Variants in NSMCE2 observed in about 807,000 individuals in gnomAD.
The protein encoded by NSMCE2 is NSE2 SUMO ligase component of SMC5/6 complex.
NSMCE2 carries 24 observed loss-of-function variants against 23.8 expected under a neutral mutation model. The observed-to-expected ratio is 1.01, with a 90% CI of 0.73 to 1.42. The LOEUF (loss-of-function observed/expected upper bound fraction) is 1.42, where lower values mean the gene tolerates loss of function less well. Ranked by LOEUF, NSMCE2 falls within the 40% of genes most tolerant of loss-of-function variation. NSMCE2 has a pLI of 0.00. For synonymous variants in NSMCE2, 92 were observed against 94.1 expected, an observed-to-expected ratio of 0.98 and a Z score of 0.13; for missense variants, 284 against 296.5, an observed-to-expected ratio of 0.96 and a Z score of 0.31.
chr8:125,156,013 C>T (rs942003653), intron 4 of NSMCE2: 20 of 447,566 alleles, frequency 4.5e-5, no homozygotes, highest in African/African-American at 1.2e-4. Flanking sequence ...GGTGTGGTGG[C>T]GCACGCCTGT....
chr8:125,217,929 A>T, intron 5 of NSMCE2, among the ~76,000 whole-genome samples: 1 of 152,048 alleles, frequency 6.6e-6, no homozygotes, highest in East Asian at 1.9e-4. Flanking sequence ...ATAGAAAATA[A>T]AGAGACAAGA....
At chr8:125,314,807 C>A (rs1236217279) in intron 5 of NSMCE2, among the ~76,000 whole-genome samples, 1 of 152,158 alleles carries the variant, frequency 6.6e-6, no homozygotes, top group East Asian at 1.9e-4. Flanking sequence ...TGTGCCAGCT[C>A]TTGGTGATAG....
At chr8:125,111,255 C>T (rs1818732168) in intron 3 of NSMCE2, among the ~76,000 whole-genome samples, 1 of 152,178 alleles carries the variant, frequency 6.6e-6, no homozygotes, top group Non-Finnish European at 1.5e-5. Context: ...GGGACATTTA[C>T]TGCCCTCATG....
chr8:125,319,786 A>G (rs888765189), intron 5 of NSMCE2, among the ~76,000 whole-genome samples: 1 of 152,180 alleles, frequency 6.6e-6, no homozygotes, highest in Non-Finnish European at 1.5e-5. Flanking sequence ...AGTCAAATAT[A>G]TGTTTTAGTG....
chr8:125,166,146 A>G (rs920149048), intron 4 of NSMCE2, among the ~76,000 whole-genome samples: 1 of 152,244 alleles, frequency 6.6e-6, no homozygotes, highest in Admixed American at 6.5e-5. Context: ...ACTATTTATT[A>G]GAAAAGTCAT....
At chr8:125,320,357 A>G (rs1406231800) in intron 5 of NSMCE2, among the ~76,000 whole-genome samples, 6 of 152,014 alleles carry the variant, frequency 3.9e-5, no homozygotes, top group African/African-American at 7.2e-5. Context: ...TCCAAATTTC[A>G]TGAAAACTGT....
intron 3 of NSMCE2, among the ~76,000 whole-genome samples, chr8:125,147,541 CCTT>C (rs1820758139): frequency 1.3e-5 from 2 of 152,220 alleles, no homozygotes; most frequent in African/African-American, 4.8e-5. Flanking sequence ...AGAAGGAAAT[CCTT>C]CTAGGCTGGT....
chr8:125,338,155 A>G (rs1830123538), intron 5 of NSMCE2, among the ~76,000 whole-genome samples: 1 of 152,148 alleles, frequency 6.6e-6, no homozygotes, highest in Non-Finnish European at 1.5e-5. Context: ...CCCAGGTCAC[A>G]TAGCTGACTA....
At chr8:125,359,448 C>T (rs1334224215) in intron 7 of NSMCE2, among the ~76,000 whole-genome samples, 1 of 151,078 alleles carries the variant, frequency 6.6e-6, no homozygotes, top group Non-Finnish European at 1.5e-5. Context: ...ATTCTCCTGC[C>T]TCAGCCTCCT....
At chr8:125,254,618 A>G (rs1379550303) in intron 5 of NSMCE2, among the ~76,000 whole-genome samples, 1 of 144,158 alleles carries the variant, frequency 6.9e-6, no homozygotes, top group Non-Finnish European at 1.5e-5. Context: ...TTTTTTTTTT[A>G]ATAAAGGACT....
intron 5 of NSMCE2, among the ~76,000 whole-genome samples, chr8:125,218,859 T>C (rs1191889738): frequency 6.6e-6 from 1 of 152,220 alleles, no homozygotes; most frequent in African/African-American, 2.4e-5. Context: ...AAATTTTATG[T>C]TACGTGTTTT....
intron 3 of NSMCE2, chr8:125,127,212 C>G (rs1416780969): frequency 6.6e-6 from 1 of 152,142 alleles, no homozygotes; most frequent in Non-Finnish European, 1.5e-5. Flanking sequence ...CTTGGTTGAT[C>G]AGCCTGTAAA....
At chr8:125,200,688 T>G (rs1214226014) in intron 5 of NSMCE2, among the ~76,000 whole-genome samples, 20 of 152,132 alleles carry the variant, frequency 1.3e-4, no homozygotes. Flanking sequence ...CTTTGTGGTG[T>G]TCTTATATTT....
chr8:125,162,741 G>T (rs1821689775), intron 4 of NSMCE2, among the ~76,000 whole-genome samples: 1 of 152,106 alleles, frequency 6.6e-6, no homozygotes. Context: ...ACCTACCACA[G>T]GCTGATTTAA....
At chr8:125,123,484 T>G (rs1339738758) in intron 3 of NSMCE2, among the ~76,000 whole-genome samples, 1 of 152,244 alleles carries the variant, frequency 6.6e-6, no homozygotes, top group Non-Finnish European at 1.5e-5. Flanking sequence ...ACTTGACAGA[T>G]GAAAGAGCTA....
chr8:125,351,646 TA>T (rs750005941), intron 5 of NSMCE2, among the ~76,000 whole-genome samples: 1 of 152,202 alleles, frequency 6.6e-6, no homozygotes, highest in Non-Finnish European at 1.5e-5. Context: ...TACTAAAGAT[TA>T]AACTGATTTA....
intron 5 of NSMCE2, chr8:125,348,519 A>G (rs1812878682): frequency 6.6e-6 from 1 of 152,130 alleles, no homozygotes; most frequent in African/African-American, 2.4e-5. Context: ...GTCCCCACCC[A>G]AATCTCATCT....
chr8:125,182,322 C>T (rs2130803652), intron 5 of NSMCE2, 66 bp downstream of exon 5: 7 of 1,189,594 alleles, frequency 5.9e-6, no homozygotes, highest in South Asian at 2.7e-5. Context: ...ATGAACAGCC[C>T]CAGTTAACTG....
intron 5 of NSMCE2, among the ~76,000 whole-genome samples, chr8:125,215,029 T>C (rs1490927562): frequency 8.8e-6 from 1 of 114,098 alleles, no homozygotes; most frequent in African/African-American, 6.2e-5. Flanking sequence ...TTATTTTATT[T>C]TATTTTATTT....
Sources: gnomAD v4.1 joint callset for allele counts (sites outside exome capture counted in the v4.1 genomes callset) on GRCh38, gnomAD v4.1.1 for gene constraint, MANE v1.5 for transcripts, NCBI Gene and HGNC (gene_info 2026-07-23, HGNC 2026-07-21) for gene names.